MAP2K4: variants seen among roughly 807,000 people sequenced by gnomAD.
The protein encoded by MAP2K4 is dual specificity mitogen-activated protein kinase kinase 4.
A neutral mutation model predicts 48.5 loss-of-function variants in MAP2K4; 4 were observed. The observed-to-expected ratio is 0.08, with a 90% CI of 0.04 to 0.19. The LOEUF (loss-of-function observed/expected upper bound fraction) is 0.19. Among genes scored for constraint, MAP2K4 ranks in the 10% least tolerant of loss-of-function variants. The probability of loss-of-function intolerance (pLI) is 1.00; values close to 1 mark genes in which losing one functional copy is unlikely to be tolerated. For synonymous variants in MAP2K4, 166 were observed against 173.1 expected (o/e 0.96, Z 0.32); for missense variants, 258 against 493.3 (o/e 0.52, Z 4.52).
At chr17:12,101,221 G>C (rs1033558950) in intron 4 of MAP2K4, among the ~76,000 whole-genome samples, 1 of 151,910 alleles carries the variant, frequency 6.6e-6, no homozygotes, top group Non-Finnish European at 1.5e-5. Context: ...TTTGGAGTTA[G>C]TTTTTATATA....
Position 12,096,276 on chromosome 17 carries a change from C to G in MAP2K4, c.513+582C>G, listed in dbSNP as rs193078953. ...AGATTTTTGTGTAGAAACTAAAGCT[C>G]TAATTTCTTGGTCTCATAATCATGT... On this transcript the variant is annotated intron_variant, in intron 4 of 10. Transcript: ENST00000353533. Among the ~76,000 whole-genome samples, 16 of 152,102 alleles carry G rather than the reference C, an allele frequency of 1.1e-4. No individual in the cohort carries two copies. The East Asian group carries it at 2.7e-3, about 26-fold the overall frequency.
At chr17:12,033,702 A>C (rs985644362) in intron 1 of MAP2K4, among the ~76,000 whole-genome samples, 2 of 152,196 alleles carry the variant, frequency 1.3e-5, no homozygotes, top group African/African-American at 4.8e-5. Flanking sequence ...TCACTGTGAT[A>C]ATTTTTAGCT....
chr17:12,115,993 C>G, intron 7 of MAP2K4: 1 of 381,706 alleles, frequency 2.6e-6, no homozygotes, highest in South Asian at 2.3e-5. Flanking sequence ...TTTTGTGGCA[C>G]TCTAAAAATG....
chr17:12,086,602 C>A (rs1024941039), intron 3 of MAP2K4, among the ~76,000 whole-genome samples: 5 of 152,136 alleles, frequency 3.3e-5, no homozygotes, highest in African/African-American at 1.2e-4. Context: ...CTACCTGCAG[C>A]CATATTGGAA....
rs942075171 is a variant in MAP2K4, at chr17:12,096,660, A to G, written c.513+966A>G. Among the ~76,000 whole-genome samples the G allele has an allele frequency of 3.3e-5, 5 of 152,218 alleles. No individual in the cohort carries two copies. In the South Asian group the frequency reaches 1.0e-3, roughly 31 times the overall value. On this transcript the variant is annotated intron_variant, in intron 4 of 10. Coordinates refer to ENST00000353533, the MANE Select transcript of MAP2K4 (RefSeq NM_003010.4). ...TTTTTGGGATGGGATTATAGAGTGT[A>G]TCCTTGGGGTTTTTGTTGTTATTGG...
rs577985240 is a variant in MAP2K4, at chr17:12,081,596, AC to A, written c.393+68del. The A allele has an allele frequency of 2.0e-6, 3 of 1,488,122 alleles. No individual in the cohort carries two copies. The highest frequency in any genetic ancestry group is 1.2e-5 in the South Asian group (1 of 81,510). The allele number at this position is 1,488,122 out of a possible 1,614,324, so 92.2% of individuals were successfully genotyped here. A position where few individuals can be genotyped will look rare whatever the true frequency, so the allele number is the denominator to read the frequency against. On this transcript the variant is annotated intron_variant, in intron 3 of 10. Transcript: ENST00000353533. The surrounding 1 kb of genome is among the most constrained non-coding windows in gnomAD (Gnocchi z 4.2). ...AGGTGAAATTTCATGGTGCAGTAAT[AC>A]CACTGTTGTTGTGTTCCTACTTTTG...
intron 4 of MAP2K4, among the ~76,000 whole-genome samples, chr17:12,096,933 C>T (rs963716107): frequency 1.3e-5 from 2 of 152,144 alleles, no homozygotes; most frequent in African/African-American, 4.8e-5. Flanking sequence ...CTATTCCTGT[C>T]TTTAAATAAT....
intron 3 of MAP2K4, among the ~76,000 whole-genome samples, chr17:12,084,020 T>C (rs1007546382): frequency 6.6e-6 from 1 of 152,246 alleles, no homozygotes; most frequent in Admixed American, 6.5e-5. Context: ...AAGCTGGAAA[T>C]GATCCTTAAG....
intron 4 of MAP2K4, among the ~76,000 whole-genome samples, chr17:12,102,955 A>T (rs1432897548): frequency 6.6e-6 from 1 of 150,554 alleles, no homozygotes; most frequent in African/African-American, 2.4e-5. Flanking sequence ...CAATTAGTCC[A>T]GCTAGAGGTT....
chr17:12,043,425 G>A (rs1444039738), intron 1 of MAP2K4, among the ~76,000 whole-genome samples: 1 of 152,066 alleles, frequency 6.6e-6, no homozygotes, highest in African/African-American at 2.4e-5. Flanking sequence ...CCTGGAGTTA[G>A]CATCAGATCT....
chr17:12,066,879 C>T (rs139501252), intron 2 of MAP2K4, among the ~76,000 whole-genome samples: 2,222 of 152,254 alleles, frequency 0.015, 27 homozygotes, highest in Non-Finnish European at 0.022. Flanking sequence ...TTAGTAGAGA[C>T]GGGGCTTCAC....
chr17:12,029,748 G>T (rs1304983482), intron 1 of MAP2K4, among the ~76,000 whole-genome samples: 1 of 151,920 alleles, frequency 6.6e-6, no homozygotes, highest in Non-Finnish European at 1.5e-5. Flanking sequence ...AACATGTTGG[G>T]ACTCCATCTC....
At chr17:12,106,088 T>C (rs1972100424) in intron 4 of MAP2K4, among the ~76,000 whole-genome samples, 1 of 152,168 alleles carries the variant, frequency 6.6e-6, no homozygotes, top group South Asian at 2.1e-4. Flanking sequence ...GCTTGGATAA[T>C]GTCAGGCTTT....
chr17:12,068,512 GTAAT>G (rs1337819468), intron 2 of MAP2K4, among the ~76,000 whole-genome samples: 5 of 152,086 alleles, frequency 3.3e-5, no homozygotes, highest in Admixed American at 1.3e-4. Context: ...CATTTTGGAA[GTAAT>G]TAATAAATAT....
chr17:12,119,848 TG>T (rs1351090208), intron 7 of MAP2K4, among the ~76,000 whole-genome samples: 3 of 152,240 alleles, frequency 2.0e-5, no homozygotes, highest in Non-Finnish European at 2.9e-5. Context: ...TGTGGGAACA[TG>T]GATGGAGCTG....
At chr17:12,110,956 C>T (rs1295274120) in intron 6 of MAP2K4, 1 of 153,296 alleles carries the variant, frequency 6.5e-6, no homozygotes, top group Non-Finnish European at 1.4e-5. Flanking sequence ...TCAAATGAAG[C>T]ATTTGATGTA....
intron 1 of MAP2K4, among the ~76,000 whole-genome samples, chr17:12,037,702 A>G (rs1969643721): frequency 6.6e-6 from 1 of 152,080 alleles, no homozygotes; most frequent in African/African-American, 2.4e-5. Flanking sequence ...ACTAACATCT[A>G]ATATTTATTA....
chr17:12,036,369 G>A (rs1400271824), intron 1 of MAP2K4: 3 of 152,136 alleles, frequency 2.0e-5, no homozygotes, highest in African/African-American at 7.2e-5. Flanking sequence ...ACATGTAAAG[G>A]TATTTATATA....
chr17:12,046,253 T>C (rs1969960759), intron 1 of MAP2K4, among the ~76,000 whole-genome samples: 1 of 152,210 alleles, frequency 6.6e-6, no homozygotes, highest in African/African-American at 2.4e-5. Flanking sequence ...CTCAGAGTGG[T>C]TGTGTAATTG....
Sources: gnomAD v4.1 joint callset for allele counts (sites outside exome capture counted in the v4.1 genomes callset) on GRCh38, gnomAD v4.1.1 for gene constraint, Gnocchi (gnomAD v3.1) non-coding constraint, MANE v1.5 for transcripts, NCBI Gene and HGNC (gene_info 2026-07-23, HGNC 2026-07-21) for gene names.